Variants in SNRNP35 observed in about 807,000 individuals in gnomAD.
SNRNP35 encodes the protein small nuclear ribonucleoprotein U11/U12 subunit 35.
Under a neutral mutation model 24.3 loss-of-function variants are expected in SNRNP35, and 16 were observed. That is an observed-to-expected ratio of 0.66 (90% confidence interval 0.45 to 1.00). The LOEUF is 1.00. Ranked by LOEUF, SNRNP35 falls within the 50% of genes least tolerant of loss-of-function variation. SNRNP35 has a pLI of 0.00. For missense variants in SNRNP35, 292 were observed against 327.2 expected (o/e 0.89, Z 0.83); for synonymous variants, 106 against 124.8 (o/e 0.85, Z 1.00).
chr12:123,472,698 C>G, exon 2 of SNRNP35: 1 of 1,589,178 alleles, frequency 6.3e-7, no homozygotes, highest in Non-Finnish European at 8.6e-7. Context: ...GAAGGGAAAG[C>G]AAACACAGAA....
Position 123,458,199 on chromosome 12 carries a change from A to T in SNRNP35, c.-21A>T, listed in dbSNP as rs775718115. The T allele has an allele frequency of 5.3e-5, 52 of 985,344 alleles. No individual in the cohort carries two copies. The highest frequency in any genetic ancestry group is 8.7e-5 in the African/African-American group (5 of 57,212). The allele number at this position is 985,344 out of a possible 1,614,324, so 61.0% of individuals were successfully genotyped here. ...TGCTCGCCTGTCTCCGTCGGAAGGG[A>T]GCCCAAGCTTTGCAGAGGTGAGTGG... On this transcript the variant is annotated 5_prime_UTR_variant, in exon 1 of 2. Transcript: ENST00000526639.
In SNRNP35 at chr12:123,465,856, A is replaced by G; in HGVS notation, c.316A>G (p.Ile106Val). ...CGAATACAAGGAGGAGCGTGCCGTGATCAAAGCTTACCGAGATGCTGATGG... is the reference window on the plus strand; with the variant it reads ...CGAATACAAGGAGGAGCGTGCCGTGGTCAAAGCTTACCGAGATGCTGATGG... ...FIEYKEERAV[I>V]KAYRDADGLV... Residue 106 changes from isoleucine to valine, a missense_variant, in exon 2 of 2, where the codon ATC (isoleucine) becomes GTC (valine). Coordinates refer to ENST00000526639, the MANE Select transcript of SNRNP35 (RefSeq NM_022717.4). The surrounding 1 kb of genome is among the most constrained non-coding windows in gnomAD (Gnocchi z 4.2). 6.2e-7 allele frequency: 1 copy of G among 1,613,902 alleles called. No individual in the cohort carries two copies. The highest frequency in any genetic ancestry group is 8.5e-7 in the Non-Finnish European group (1 of 1,179,996).
At chr12:123,463,907 C>T (rs550969376) in intron 1 of SNRNP35, among the ~76,000 whole-genome samples, 2 of 148,316 alleles carry the variant, frequency 1.3e-5, no homozygotes, top group South Asian at 4.3e-4. Flanking sequence ...GGGATTAAGG[C>T]GCCCACCTAC....
In SNRNP35 at chr12:123,458,189, G is replaced by C. The variant is rs188636494; in HGVS notation, c.-31G>C. 1.0e-5 allele frequency: 10 copies of C among 985,366 alleles called. No homozygotes were observed. Among genetic ancestry groups the C allele is most frequent in the Non-Finnish European group, 1.2e-5 (10 of 830,000 alleles). 61.0% of individuals were successfully genotyped at this position (985,366 alleles called of 1,614,324 possible). A position where few individuals can be genotyped will look rare whatever the true frequency, so the allele number is the denominator to read the frequency against. ...CGCCTGCAGCTGCTCGCCTGTCTCC[G>C]TCGGAAGGGAGCCCAAGCTTTGCAG... On this transcript the variant is annotated 5_prime_UTR_variant, in exon 1 of 2. Transcript: ENST00000526639.
At chr12:123,468,190 C>G (rs1881042058), downstream of SNRNP35, among the ~76,000 whole-genome samples, 1 of 150,866 alleles carries the variant, frequency 6.6e-6, no homozygotes, top group Non-Finnish European at 1.5e-5. Flanking sequence ...AAAGCCCCAT[C>G]CCTACTAAAA....
At position 123,465,932 on chromosome 12, in the gene SNRNP35, C is replaced by T; in HGVS notation, c.392C>T (p.Thr131Ile). ...TTTGTGGACTACGAGCTGGAAAGGACTCTCAAAGGGTGGATCCCTCGGCGA... is the reference window on the plus strand; with the variant it reads ...TTTGTGGACTACGAGCTGGAAAGGATTCTCAAAGGGTGGATCCCTCGGCGA... The part of the protein sequence containing the change: ...EIFVDYELER[T>I]LKGWIPRRLG... The change falls in exon 2 of 2, where the codon ACT becomes ATT. Residue 131 changes from threonine to isoleucine, a missense_variant. Thr to Ile is a moderately conservative substitution (Grantham distance 89). Coordinates refer to ENST00000526639, the MANE Select transcript of SNRNP35 (RefSeq NM_022717.4). The surrounding 1 kb of genome is among the most constrained non-coding windows in gnomAD (Gnocchi z 4.2). The T allele has an allele frequency of 6.2e-7, 1 of 1,613,860 alleles. No individual in the cohort carries two copies. The highest frequency in any genetic ancestry group is 1.1e-5 in the South Asian group (1 of 91,066).
chr12:123,468,066 A>G (rs531668236), downstream of SNRNP35, among the ~76,000 whole-genome samples: 3 of 152,204 alleles, frequency 2.0e-5, no homozygotes, highest in East Asian at 5.8e-4. Context: ...GAGATTGAAA[A>G]CATGCACACT....
intron 1 of SNRNP35, among the ~76,000 whole-genome samples, chr12:123,461,867 G>A (rs1880650790): frequency 6.6e-6 from 1 of 151,832 alleles, no homozygotes; most frequent in South Asian, 2.1e-4. Context: ...GACTGCAGGC[G>A]CCCGCCACCA....
intron 1 of SNRNP35, among the ~76,000 whole-genome samples, chr12:123,463,657 C>T (rs577534330): frequency 5.9e-5 from 9 of 152,220 alleles, no homozygotes; most frequent in African/African-American, 2.2e-4. Flanking sequence ...ACCTTGGCCT[C>T]CCAAAGTGCT....
chr12:123,466,354 G>A lies in SNRNP35; in HGVS notation c.*73G>A, dbSNP rs552445004. ...GAGGGGGATTGTCTTTCAACGCAGC[G>A]TGAGTCTAATGGTTGAATAAAACTT... On this transcript the variant is annotated 3_prime_UTR_variant, in exon 2 of 2. Transcript: ENST00000526639. 2.0e-5 allele frequency: 28 copies of A among 1,426,602 alleles called. No homozygotes were observed. The African/African-American group carries it at 2.6e-4, about 13-fold the overall frequency. The allele number at this position is 1,426,602 out of a possible 1,614,324, so 88.4% of individuals were successfully genotyped here.
intron 1 of SNRNP35, among the ~76,000 whole-genome samples, chr12:123,461,722 A>AT (rs1180729336): frequency 0.029 from 3,868 of 135,324 alleles, 141 homozygotes; most frequent in African/African-American, 0.085. Context: ...AAGTTCTATG[A>AT]TTTTTTTTTT....
chr12:123,467,585 A>T (rs1881028008), downstream of SNRNP35, among the ~76,000 whole-genome samples: 1 of 152,238 alleles, frequency 6.6e-6, no homozygotes, highest in African/African-American at 2.4e-5. Flanking sequence ...AGTGACATTT[A>T]GCATTTTGAT....
Position 123,465,712 on chromosome 12 carries a change from C to T in SNRNP35, c.172C>T (p.Leu58=), listed in dbSNP as rs766991168. 3.1e-6 allele frequency: 5 copies of T among 1,613,630 alleles called. No individual in the cohort carries two copies. The African/African-American group carries it at 6.7e-5, about 22-fold the overall frequency. The change falls in exon 2 of 2, where the codon CTA becomes TTA. Residue 58 remains leucine, a synonymous_variant. Transcript: ENST00000526639. The surrounding 1 kb of genome is among the most constrained non-coding windows in gnomAD (Gnocchi z 4.2). ...CCTCCTCACCCTGTTTGTGGCCAGA[C>T]TAAACTTGCAGACCAAGGAGGACAA... The part of the protein sequence containing the change: ...DPLLTLFVAR[L]NLQTKEDKLK...
At chr12:123,458,243 G>C in intron 1 of SNRNP35, 27 bp downstream of exon 1, 1 of 985,222 alleles carries the variant, frequency 1.0e-6, no homozygotes, top group Non-Finnish European at 1.2e-6. Context: ...TGGAAGGAGC[G>C]GGCCCCACGC....
In SNRNP35 at chr12:123,473,061, G is replaced by A. The variant is rs1010388905; in HGVS notation, n.2068G>A. 3.8e-5 allele frequency: 8 copies of A among 210,394 alleles called. No homozygotes were observed. In the South Asian group the frequency reaches 4.3e-4, roughly 11 times the overall value. The allele number at this position is 210,394 out of a possible 1,614,324, so 13.0% of individuals were successfully genotyped here. A position where few individuals can be genotyped will look rare whatever the true frequency, so the allele number is the denominator to read the frequency against. ...GCAGAGAAAGGAATACTTGAAAACC[G>A]TGTGGAATATAAGAGGATTCTGTTG... On this transcript the variant is annotated non_coding_transcript_exon_variant, in exon 2 of 2. Transcript: ENST00000527158.
In SNRNP35 at chr12:123,465,867, C is replaced by T; in HGVS notation, c.327C>T (p.Tyr109=). Residue 109 remains tyrosine, a synonymous_variant, in exon 2 of 2, where the codon TAC becomes TAT. Coordinates refer to ENST00000526639, the MANE Select transcript of SNRNP35 (RefSeq NM_022717.4). The surrounding 1 kb of genome is among the most constrained non-coding windows in gnomAD (Gnocchi z 4.2). ...AGGAGCGTGCCGTGATCAAAGCTTA[C>T]CGAGATGCTGATGGCCTGGTTATTG... The part of the protein sequence containing the change: ...YKEERAVIKA[Y]RDADGLVIDQ... The T allele has an allele frequency of 1.2e-6, 2 of 1,613,986 alleles. No individual in the cohort carries two copies. Among genetic ancestry groups the T allele is most frequent in the South Asian group, 2.2e-5 (2 of 91,068 alleles).
In SNRNP35 at chr12:123,472,328, G is replaced by A. The variant is rs112742410; in HGVS notation, n.1335G>A. 2.6e-3 allele frequency: 1,425 copies of A among 555,374 alleles called. 9 individuals carry two copies. Among genetic ancestry groups the A allele is most frequent in the African/African-American group, 0.015 (786 of 53,486 alleles). 34.4% of individuals were successfully genotyped at this position (555,374 alleles called of 1,614,324 possible). On this transcript the variant is annotated non_coding_transcript_exon_variant, in exon 2 of 2. Transcript: ENST00000527158. ...GGATCAGAGTCATCTATTAGAAACA[G>A]TGATAGCCCTGGGTATAAATAAACA...
At chr12:123,460,055 C>A (rs1183279980) in intron 1 of SNRNP35, among the ~76,000 whole-genome samples, 1 of 152,154 alleles carries the variant, frequency 6.6e-6, no homozygotes, top group African/African-American at 2.4e-5. Context: ...ATCCTTGTGA[C>A]TCCTGACTTC....
chr12:123,460,905 A>C (rs770337730), intron 1 of SNRNP35, among the ~76,000 whole-genome samples: 10 of 147,854 alleles, frequency 6.8e-5, no homozygotes, highest in Non-Finnish European at 1.2e-4. Flanking sequence ...CAATCTGCCC[A>C]CTTTTGCCTC....
Sources: gnomAD v4.1 joint callset for allele counts (sites outside exome capture counted in the v4.1 genomes callset) on GRCh38, gnomAD v4.1.1 for gene constraint, Gnocchi (gnomAD v3.1) non-coding constraint, MANE v1.5 for transcripts, NCBI Gene and HGNC (gene_info 2026-07-23, HGNC 2026-07-21) for gene names.